OCA2: variants seen among roughly 807,000 people sequenced by gnomAD.
The protein encoded by OCA2 is P protein.
OCA2 carries 77 observed loss-of-function variants against 100.2 expected under a neutral mutation model. The observed-to-expected ratio is 0.77, with a 90% CI of 0.64 to 0.93. The LOEUF is 0.93. OCA2 is among the 40% of genes least tolerant of loss of function. The pLI is 0.00. For synonymous variants in OCA2, 432 were observed against 439.2 expected, an observed-to-expected ratio of 0.98 and a Z score of 0.21; for missense variants, 1,062 against 1,089.1, an observed-to-expected ratio of 0.98 and a Z score of 0.35.
At chr15:27,881,147 T>G (rs528269360) in intron 19 of OCA2, among the ~76,000 whole-genome samples, 12 of 152,362 alleles carry the variant, frequency 7.9e-5, no homozygotes, top group African/African-American at 2.9e-4. Flanking sequence ...GTTCTATTTA[T>G]GTGATGGATT....
At chr15:27,923,845 G>A (rs978938177) in intron 19 of OCA2, among the ~76,000 whole-genome samples, 1 of 152,056 alleles carries the variant, frequency 6.6e-6, no homozygotes, top group African/African-American at 2.4e-5. Context: ...CTTTTGCTGT[G>A]CAGAAGCTCT....
At chr15:28,010,823 G>A (rs542386927) in intron 9 of OCA2, among the ~76,000 whole-genome samples, 1 of 152,282 alleles carries the variant, frequency 6.6e-6, no homozygotes, top group Non-Finnish European at 1.5e-5. Context: ...AATAAAGCTG[G>A]AGGACAAAGA....
intron 20 of OCA2, among the ~76,000 whole-genome samples, chr15:27,871,570 T>C (rs906377519): frequency 6.6e-6 from 1 of 152,192 alleles, no homozygotes; most frequent in African/African-American, 2.4e-5. Context: ...GGCAGACCCC[T>C]GGGGCTGGGG....
the OCA2 span, among the ~76,000 whole-genome samples, chr15:27,742,513 A>C: frequency 6.6e-6 from 1 of 152,194 alleles, no homozygotes; most frequent in African/African-American, 2.4e-5. Flanking sequence ...GAGAGGCAGA[A>C]GAAGCACGAT....
chr15:27,811,840 G>A (rs1310275522), intron 23 of OCA2, among the ~76,000 whole-genome samples: 11 of 152,146 alleles, frequency 7.2e-5, no homozygotes, highest in Non-Finnish European at 7.3e-5. Context: ...ATATCTAAGT[G>A]TCGGTGGAAC....
At chr15:27,805,258 C>G (rs1465057362) in intron 23 of OCA2, among the ~76,000 whole-genome samples, 1 of 152,348 alleles carries the variant, frequency 6.6e-6, no homozygotes, top group African/African-American at 2.4e-5. Flanking sequence ...GCAGAGCCGC[C>G]GTCTTTACAT....
chr15:27,980,275 C>T (rs1163102467), intron 14 of OCA2, among the ~76,000 whole-genome samples: 1 of 151,940 alleles, frequency 6.6e-6, no homozygotes, highest in Non-Finnish European at 1.5e-5. Context: ...CTACAGGCAC[C>T]CAATACCACG....
chr15:28,036,764 T>C (rs1226161605), intron 2 of OCA2, among the ~76,000 whole-genome samples: 1 of 152,188 alleles, frequency 6.6e-6, no homozygotes, highest in Non-Finnish European at 1.5e-5. Context: ...CAAAAGAATT[T>C]ACATTTTTAA....
chr15:28,070,322 A>G (rs2044200703), intron 2 of OCA2, among the ~76,000 whole-genome samples: 2 of 134,572 alleles, frequency 1.5e-5, no homozygotes, highest in Admixed American at 7.3e-5. Context: ...GGGGGGGGTC[A>G]GCCCCCCGCC....
intron 14 of OCA2, among the ~76,000 whole-genome samples, chr15:27,967,403 C>A (rs2140834529): frequency 6.6e-6 from 1 of 152,278 alleles, no homozygotes; most frequent in South Asian, 2.1e-4. Flanking sequence ...TAGGAAGAAA[C>A]AAAAACAGGC....
chr15:28,070,255 C>T (rs1423001137), intron 2 of OCA2, among the ~76,000 whole-genome samples: 4,716 of 135,366 alleles, frequency 0.035, 121 homozygotes, highest in African/African-American at 0.14. Flanking sequence ...GCAGCCACCC[C>T]ATCTGGGAAG....
rs553340000 is a variant in OCA2, at chr15:27,935,843, C to T, written c.1952-9589G>A. On this transcript the variant is annotated intron_variant, in intron 18 of 23. Transcript: ENST00000354638. ...TTTATAAAAGATATACTGTACAGTT[C>T]CTTGCCCTGGACATTGTGTAACTGA... Among the ~76,000 whole-genome samples the T allele has an allele frequency of 1.2e-4, 18 of 152,296 alleles. No homozygotes were observed. The South Asian group carries it at 3.1e-3, about 26-fold the overall frequency.
chr15:27,807,101 C>A (rs1485846209), intron 23 of OCA2, among the ~76,000 whole-genome samples: 1 of 144,972 alleles, frequency 6.9e-6, no homozygotes, highest in Non-Finnish European at 1.5e-5. Flanking sequence ...CCGGCCCGCC[C>A]ACCTCTGGGG....
At chr15:28,017,556 C>T (rs958688819) in intron 7 of OCA2, among the ~76,000 whole-genome samples, 2 of 152,140 alleles carry the variant, frequency 1.3e-5, no homozygotes, top group Non-Finnish European at 2.9e-5. Context: ...GCCAGGGCAG[C>T]CGGTTCAGAA....
At chr15:27,831,682 C>T (rs1427349073) in intron 23 of OCA2, among the ~76,000 whole-genome samples, 6 of 152,194 alleles carry the variant, frequency 3.9e-5, no homozygotes, top group Admixed American at 6.5e-5. Context: ...GAGCTGCCTG[C>T]AGCCGTTCTC....
chr15:27,855,939 C>CCACA (rs2151430442), intron 21 of OCA2, among the ~76,000 whole-genome samples: 1 of 152,286 alleles, frequency 6.6e-6, no homozygotes, highest in Admixed American at 6.5e-5. Context: ...CAAAGCACCA[C>CCACA]GAGCTGGGTA....
chr15:27,753,091 G>A (rs895451488), downstream of OCA2, among the ~76,000 whole-genome samples: 1 of 152,082 alleles, frequency 6.6e-6, no homozygotes, highest in African/African-American at 2.4e-5. Flanking sequence ...TTTGTTGGTT[G>A]ACTTTTAAAT....
chr15:28,081,722 G>A lies in OCA2; in HGVS notation c.153C>T (p.Cys51=). The change falls in exon 2 of 24, where the codon TGC becomes TGT. Residue 51 remains cysteine, a synonymous_variant. Coordinates refer to ENST00000354638, the MANE Select transcript of OCA2 (RefSeq NM_000275.3). ...AGCTCTGCCCGGCAGCCCCCCTGGG[G>A]CAGGAGTGCGAGGGGTCAGCTCCAC... ...GAGGADPSHS[C]PRGAAGQSSW... 2 of 1,613,694 alleles carry A rather than the reference G, an allele frequency of 1.2e-6. No individual in the cohort carries two copies. Among genetic ancestry groups the A allele is most frequent in the Non-Finnish European group, 1.7e-6 (2 of 1,179,918 alleles).
chr15:27,956,224 C>T (rs929978947), intron 16 of OCA2, among the ~76,000 whole-genome samples: 8 of 152,084 alleles, frequency 5.3e-5, no homozygotes, highest in Non-Finnish European at 1.0e-4. Context: ...TGGTACATGC[C>T]TGTAATCCCA....
Sources: gnomAD v4.1 joint callset for allele counts (sites outside exome capture counted in the v4.1 genomes callset) on GRCh38, gnomAD v4.1.1 for gene constraint, MANE v1.5 for transcripts, NCBI Gene and HGNC (gene_info 2026-07-23, HGNC 2026-07-21) for gene names.